Variants in OSBPL6 observed in about 807,000 individuals in gnomAD.
The protein encoded by OSBPL6 is oxysterol binding protein like 6, also known as oxysterol-binding protein-related protein 6.
In OSBPL6, 49 loss-of-function variants were observed where a neutral mutation model predicts 125.8. The ratio of observed to expected loss-of-function variants is 0.39; its 90% confidence interval spans 0.31 to 0.49. OSBPL6 has a LOEUF of 0.49. Among genes scored for constraint, OSBPL6 ranks in the 20% least tolerant of loss-of-function variants. The pLI is 0.88. For missense variants in OSBPL6, 986 were observed against 1,135.4 expected (o/e 0.87, Z 1.89); for synonymous variants, 394 against 391.8 (o/e 1.01, Z -0.07).
At chr2:178,345,982 G>A (rs1690673046) in intron 11 of OSBPL6, among the ~76,000 whole-genome samples, 1 of 152,118 alleles carries the variant, frequency 6.6e-6, no homozygotes, top group South Asian at 2.1e-4. Context: ...GACTATAGAA[G>A]TTACGAGAAA....
Position 178,400,824 on chromosome 2 carries a change from T to C in OSBPL6, c.*5265T>C, listed in dbSNP as rs185329824. The C allele has an allele frequency of 1.8e-3, 277 of 152,344 alleles. No individual in the cohort carries two copies. The highest frequency in any genetic ancestry group is 6.3e-3 in the African/African-American group (261 of 41,574). 9.4% of individuals were successfully genotyped at this position (152,344 alleles called of 1,614,324 possible). On this transcript the variant is annotated 3_prime_UTR_variant, in exon 25 of 25. Transcript: ENST00000190611. ...TTAAAAGTTAGCGTATTTTCTTATA[T>C]GTATTGCATATGGGATTTTTCTAGA...
intron 1 of OSBPL6, among the ~76,000 whole-genome samples, chr2:178,240,320 A>C (rs931126645): frequency 6.6e-6 from 1 of 152,170 alleles, no homozygotes; most frequent in Non-Finnish European, 1.5e-5. Context: ...TAATCTCAGC[A>C]CTTTGGGAGG....
At chr2:178,272,672 A>G (rs563791937) in intron 1 of OSBPL6, among the ~76,000 whole-genome samples, 3 of 152,334 alleles carry the variant, frequency 2.0e-5, no homozygotes, top group Admixed American at 6.5e-5. Context: ...GTCTCATTGC[A>G]TATCTTTTTA....
intron 19 of OSBPL6, among the ~76,000 whole-genome samples, chr2:178,386,722 C>G (rs971138919): frequency 4.0e-4 from 49 of 123,806 alleles, no homozygotes; most frequent in African/African-American, 1.5e-3. Context: ...TACACACACA[C>G]AGACACACAC....
At chr2:178,241,643 T>A (rs1435829744) in intron 1 of OSBPL6, among the ~76,000 whole-genome samples, 1 of 152,098 alleles carries the variant, frequency 6.6e-6, no homozygotes, top group East Asian at 1.9e-4. Context: ...CTTGAACTCC[T>A]GACCTCAAGC....
intron 4 of OSBPL6, 53 bp from the exon 5 acceptor site, chr2:178,328,203 T>G: frequency 6.2e-7 from 1 of 1,606,816 alleles, no homozygotes; most frequent in Non-Finnish European, 8.5e-7. Flanking sequence ...CTGCTTTAAG[T>G]GTGTCATCAG....
chr2:178,390,652 C>T (rs1695327568), intron 21 of OSBPL6, among the ~76,000 whole-genome samples: 1 of 152,132 alleles, frequency 6.6e-6, no homozygotes, highest in Non-Finnish European at 1.5e-5. Flanking sequence ...CTGGAAGGGC[C>T]ACTTGAGGGC....
chr2:178,291,829 T>TCCATCCATC (rs61197503), intron 2 of OSBPL6, among the ~76,000 whole-genome samples: 14,079 of 109,120 alleles, frequency 0.13, 882 homozygotes, highest in Non-Finnish European at 0.18. Flanking sequence ...ATCCATCCAT[T>TCCATCCATC]CATCCTTGAT....
chr2:178,310,611 G>A (rs1382061416), intron 3 of OSBPL6, among the ~76,000 whole-genome samples: 1 of 151,664 alleles, frequency 6.6e-6, no homozygotes, highest in Non-Finnish European at 1.5e-5. Context: ...TAGAGACAGG[G>A]TTTCACCGTG....
In OSBPL6 at chr2:178,397,254, T is replaced by G. The variant is rs903710154; in HGVS notation, c.*1695T>G. 1.3e-5 allele frequency: 2 copies of G among 152,228 alleles called. No homozygotes were observed. Among genetic ancestry groups the G allele is most frequent in the African/African-American group, 4.8e-5 (2 of 41,464 alleles). 9.4% of individuals were successfully genotyped at this position (152,228 alleles called of 1,614,324 possible). ...AACTCCTCCCTTGCATCTGAGTTTT[T>G]ATGTTATGTGTACAGTCTGCATTAG... On this transcript the variant is annotated 3_prime_UTR_variant, in exon 25 of 25. Coordinates refer to ENST00000190611, the MANE Select transcript of OSBPL6 (RefSeq NM_032523.4).
chr2:178,250,600 AC>A (rs2091657253), intron 1 of OSBPL6, among the ~76,000 whole-genome samples: 1 of 151,968 alleles, frequency 6.6e-6, no homozygotes, highest in African/African-American at 2.4e-5. Flanking sequence ...ACAAGGCCCC[AC>A]TTCCCTTCCT....
At chr2:178,313,983 T>C (rs968432753) in intron 3 of OSBPL6, among the ~76,000 whole-genome samples, 2 of 152,226 alleles carry the variant, frequency 1.3e-5, no homozygotes, top group Non-Finnish European at 2.9e-5. Context: ...ATCTATCCTT[T>C]ATGTGCAAAG....
chr2:178,269,290 A>G (rs1242339279), intron 1 of OSBPL6, among the ~76,000 whole-genome samples: 1 of 152,192 alleles, frequency 6.6e-6, no homozygotes, highest in African/African-American at 2.4e-5. Flanking sequence ...GGAAGGTCCC[A>G]CAATATTATG....
At chr2:178,375,468 G>A (rs1693782678) in intron 15 of OSBPL6, among the ~76,000 whole-genome samples, 1 of 152,106 alleles carries the variant, frequency 6.6e-6, no homozygotes, top group African/African-American at 2.4e-5. Flanking sequence ...TGTTGCCCGG[G>A]CTGGAGGGCA....
At chr2:178,361,654 G>T (rs1454488691) in intron 12 of OSBPL6, 28 bp from the exon 13 acceptor site, 1 of 1,611,918 alleles carries the variant, frequency 6.2e-7, no homozygotes, top group Non-Finnish European at 8.5e-7. Context: ...ATATCTGACA[G>T]TTTTTTCTCA....
At chr2:178,338,180 A>G (rs1365970948) in intron 9 of OSBPL6, among the ~76,000 whole-genome samples, 4 of 150,766 alleles carry the variant, frequency 2.7e-5, no homozygotes, top group Admixed American at 6.6e-5. Context: ...TCATCCTCCC[A>G]CCTCTGCCTC....
chr2:178,339,049 A>T lies in OSBPL6; in HGVS notation c.849A>T (p.Glu283Asp). 1 of 1,613,506 alleles carries T rather than the reference A, an allele frequency of 6.2e-7. No individual in the cohort carries two copies. Among genetic ancestry groups the T allele is most frequent in the South Asian group, 1.1e-5 (1 of 90,986 alleles). The change falls in exon 10 of 25, where the codon GAA becomes GAT. Residue 283 changes from glutamate to aspartate, a missense_variant. This residue lies in a region of OSBPL6 where 843 missense variants were observed against 997.3 expected (regional missense o/e 0.85). Coordinates refer to ENST00000190611, the MANE Select transcript of OSBPL6 (RefSeq NM_032523.4). ...TTAGCAAACTCCTGCAAAATTTGGA[A>T]ATACTTCAGAGAACTCAGTCGGCAC... ...VELSKLLQNL[E>D]ILQRTQSAPN...
chr2:178,216,600 A>T (rs2090102947), intron 1 of OSBPL6, among the ~76,000 whole-genome samples: 1 of 152,214 alleles, frequency 6.6e-6, no homozygotes, highest in African/African-American at 2.4e-5. Flanking sequence ...AAACATAGTG[A>T]TGGTTGATTA....
intron 2 of OSBPL6, among the ~76,000 whole-genome samples, chr2:178,301,628 C>T (rs1686294116): frequency 6.6e-6 from 1 of 152,084 alleles, no homozygotes. Flanking sequence ...TATCATTATA[C>T]CCAAATATCT....
Sources: allele counts gnomAD v4.1 joint callset (sites outside exome capture counted in the v4.1 genomes callset), GRCh38; gene constraint gnomAD v4.1.1; regional missense constraint gnomAD v4.1.1; transcripts MANE v1.5; gene names NCBI Gene and HGNC (gene_info 2026-07-23, HGNC 2026-07-21).